The following MBOAT1 variants were observed in gnomAD, a reference collection of about 807,000 sequenced individuals.
MBOAT1 encodes the protein membrane-bound glycerophospholipid O-acyltransferase 1.
In MBOAT1, 67 loss-of-function variants were observed where a neutral mutation model predicts 64.4. The observed-to-expected ratio is 1.04, with a 90% CI of 0.85 to 1.27. The LOEUF is 1.27. MBOAT1 is among the 50% of genes most tolerant of loss of function. The probability of loss-of-function intolerance (pLI) is 0.00; values close to 1 mark genes in which losing one functional copy is unlikely to be tolerated. For missense variants in MBOAT1, 563 were observed against 604.6 expected, an observed-to-expected ratio of 0.93 and a Z score of 0.72; for synonymous variants, 229 against 218.9, an observed-to-expected ratio of 1.05 and a Z score of -0.41.
intron 4 of MBOAT1, among the ~76,000 whole-genome samples, chr6:20,135,821 A>C (rs1760974880): frequency 6.6e-6 from 1 of 152,208 alleles, no homozygotes; most frequent in Admixed American, 6.5e-5. Flanking sequence ...GAAGTCAGGC[A>C]AGCAAGAAGT....
At chr6:20,157,316 G>A (rs902334018) in intron 1 of MBOAT1, among the ~76,000 whole-genome samples, 1 of 151,932 alleles carries the variant, frequency 6.6e-6, no homozygotes, top group Non-Finnish European at 1.5e-5. Context: ...AGTTTATAAA[G>A]TACCTGCCAT....
chr6:20,102,541 C>A, intron 12 of MBOAT1, 129 bp from the exon 13 acceptor site: 1 of 685,944 alleles, frequency 1.5e-6, no homozygotes. Context: ...TGTCTACACT[C>A]AGGCTTCCCT....
At chr6:20,107,565 C>G (rs777419632) in intron 12 of MBOAT1, among the ~76,000 whole-genome samples, 1 of 152,148 alleles carries the variant, frequency 6.6e-6, no homozygotes, top group Non-Finnish European at 1.5e-5. Context: ...ATACATGTGT[C>G]AATTACTCCC....
chr6:20,179,537 T>C (rs1292511273), intron 1 of MBOAT1, among the ~76,000 whole-genome samples: 1 of 152,256 alleles, frequency 6.6e-6, no homozygotes, highest in Non-Finnish European at 1.5e-5. Flanking sequence ...TGTACCACAT[T>C]TTCTTTATCC....
At chr6:20,102,953 G>C (rs1236132406) in intron 12 of MBOAT1, among the ~76,000 whole-genome samples, 1 of 152,182 alleles carries the variant, frequency 6.6e-6, no homozygotes, top group African/African-American at 2.4e-5. Flanking sequence ...ATAGTATGCT[G>C]CCAGTTGAAT....
chr6:20,115,220 C>G (rs1760283774), intron 10 of MBOAT1, 68 bp downstream of exon 10: 2 of 1,163,164 alleles, frequency 1.7e-6, no homozygotes, highest in South Asian at 1.2e-5. Flanking sequence ...TCCCACTGTT[C>G]ATCTACTGAC....
chr6:20,211,999 C>A, intron 1 of MBOAT1, 137 bp downstream of exon 1: 2 of 692,174 alleles, frequency 2.9e-6, no homozygotes, highest in African/African-American at 1.9e-5. Flanking sequence ...CACACACACA[C>A]ACACAAAAAC....
At chr6:20,143,747 A>C (rs1761247903) in intron 4 of MBOAT1, among the ~76,000 whole-genome samples, 1 of 152,128 alleles carries the variant, frequency 6.6e-6, no homozygotes, top group Non-Finnish European at 1.5e-5. Flanking sequence ...TGTACCCCTA[A>C]ATTTTTTTAA....
intron 8 of MBOAT1, among the ~76,000 whole-genome samples, chr6:20,122,010 C>T (rs906309398): frequency 5.3e-5 from 8 of 151,814 alleles, no homozygotes; most frequent in Admixed American, 2.0e-4. Flanking sequence ...ACTAAAAATA[C>T]AAAAATCAGC....
In MBOAT1 at chr6:20,104,673, T is replaced by C. The variant is rs538828348; in HGVS notation, c.1362-2261A>G. On this transcript the variant is annotated intron_variant, in intron 12 of 12. Coordinates refer to ENST00000324607, the MANE Select transcript of MBOAT1 (RefSeq NM_001080480.3). ...AATGTTGGGAGGGAGGAAAGCACAA[T>C]TGATTTATGCATCATTCCCCAACTT... Among the ~76,000 whole-genome samples, 23 of 152,340 alleles carry C rather than the reference T, an allele frequency of 1.5e-4. 1 individual carries two copies. Among genetic ancestry groups the C allele is most frequent in the East Asian group, 9.6e-4 (5 of 5,186 alleles).
At chr6:20,153,664 C>A (rs376579721) in intron 1 of MBOAT1, among the ~76,000 whole-genome samples, 1 of 152,180 alleles carries the variant, frequency 6.6e-6, no homozygotes, top group Non-Finnish European at 1.5e-5. Flanking sequence ...AGGTGTGACA[C>A]TGAAGATCTA....
chr6:20,131,303 C>T lies in MBOAT1; in HGVS notation c.420-104G>A, dbSNP rs1326401984. 8.7e-6 allele frequency: 9 copies of T among 1,036,762 alleles called. 1 individual carries two copies. The South Asian group carries it at 1.0e-4, about 12-fold the overall frequency. The allele number at this position is 1,036,762 out of a possible 1,614,324, so 64.2% of individuals were successfully genotyped here. A position where few individuals can be genotyped will look rare whatever the true frequency, so the allele number is the denominator to read the frequency against. On this transcript the variant is annotated intron_variant, in intron 4 of 12. Transcript: ENST00000324607. ...ATCTTGAATTGTAGTTCCCATAATC[C>T]CCACATGTCGTGGGAGGGACCAAAT...
Position 20,186,495 on chromosome 6 carries a change from T to C in MBOAT1, c.99+25641A>G, listed in dbSNP as rs929523486. Reference sequence around the variant, plus strand: ...AGAAATGAGAGTGTGTGAGATCTTATGTAGAATGGAGAAGAAACTGTTGCC... The same window carrying C: ...AGAAATGAGAGTGTGTGAGATCTTACGTAGAATGGAGAAGAAACTGTTGCC... On this transcript the variant is annotated intron_variant, in intron 1 of 12. Coordinates refer to ENST00000324607, the MANE Select transcript of MBOAT1 (RefSeq NM_001080480.3). Among the ~76,000 whole-genome samples, 14 of 152,304 alleles carry C rather than the reference T, an allele frequency of 9.2e-5. No individual in the cohort carries two copies. In the East Asian group the frequency reaches 1.7e-3, roughly 19 times the overall value.
At chr6:20,146,840 A>T (rs1761338572) in intron 3 of MBOAT1, among the ~76,000 whole-genome samples, 1 of 152,174 alleles carries the variant, frequency 6.6e-6, no homozygotes, top group African/African-American at 2.4e-5. Context: ...CAAACCTAAA[A>T]CATCTAAGGA....
At chr6:20,178,371 GAAAGTTGAC>G (rs1581447847) in intron 1 of MBOAT1, among the ~76,000 whole-genome samples, 2 of 152,242 alleles carry the variant, frequency 1.3e-5, no homozygotes, top group Admixed American at 1.3e-4. Flanking sequence ...GGGCACTCAG[GAAAGTTGAC>G]AAAGTTGATA....
chr6:20,207,274 C>A (rs527837820), intron 1 of MBOAT1, among the ~76,000 whole-genome samples: 6 of 152,182 alleles, frequency 3.9e-5, no homozygotes, highest in Admixed American at 6.5e-5. Flanking sequence ...GAGGACCTTC[C>A]GTATGCCTTC....
chr6:20,167,604 T>A (rs1282035098), intron 1 of MBOAT1, among the ~76,000 whole-genome samples: 1 of 152,252 alleles, frequency 6.6e-6, no homozygotes, highest in African/African-American at 2.4e-5. Context: ...GTTACCCAGA[T>A]GAATTGGATG....
At chr6:20,122,923 C>T (rs921433039) in intron 8 of MBOAT1, among the ~76,000 whole-genome samples, 3 of 152,028 alleles carry the variant, frequency 2.0e-5, no homozygotes, top group Non-Finnish European at 1.5e-5. Context: ...CCTCCACCTC[C>T]CCGATTCAAG....
chr6:20,115,375 T>C (rs781188152), intron 9 of MBOAT1, 23 bp from the exon 10 acceptor site: 2 of 1,585,864 alleles, frequency 1.3e-6, no homozygotes, highest in Non-Finnish European at 1.7e-6. Flanking sequence ...AAATAACACC[T>C]ATCATTAGCT....
Sources: allele counts gnomAD v4.1 joint callset (sites outside exome capture counted in the v4.1 genomes callset), GRCh38; gene constraint gnomAD v4.1.1; transcripts MANE v1.5; gene names NCBI Gene and HGNC (gene_info 2026-07-23, HGNC 2026-07-21).